The following SMC4 variants were observed in gnomAD, a reference collection of about 807,000 sequenced individuals.
The protein encoded by SMC4 is structural maintenance of chromosomes 4.
In SMC4, 87 loss-of-function variants were observed where a neutral mutation model predicts 145.6. The ratio of observed to expected loss-of-function variants is 0.60; its 90% CI spans 0.50 to 0.71. SMC4 has a LOEUF of 0.71. SMC4 is among the 30% of genes least tolerant of loss of function. The pLI is 0.00. For missense variants in SMC4, 1,447 were observed against 1,537.1 expected (o/e 0.94, Z 0.98); for synonymous variants, 558 against 500.7 (o/e 1.11, Z -1.53).
Position 160,432,507 on chromosome 3 carries a change from C to A in SMC4, c.3522C>A (p.Ile1174=). Residue 1174 remains isoleucine, a synonymous_variant, in exon 22 of 24, where the codon ATC becomes ATA. Coordinates refer to ENST00000357388, the MANE Select transcript of SMC4 (RefSeq NM_001002800.3). Reference sequence around the variant, plus strand: ...GCTTGGATCCTTTCTCTGAAGGAATCATGTTCAGGTGTGTAATTATGCTGA... The same window carrying A: ...GCTTGGATCCTTTCTCTGAAGGAATAATGTTCAGGTGTGTAATTATGCTGA... ...VDSLDPFSEG[I]MFSVRPPKKS... 2 of 1,588,564 alleles carry A rather than the reference C, an allele frequency of 1.3e-6. No homozygotes were observed. The highest frequency in any genetic ancestry group is 1.1e-5 in the South Asian group (1 of 88,012).
chr3:160,419,278 G>T, intron 11 of SMC4, 80 bp from the exon 12 acceptor site: 1 of 879,664 alleles, frequency 1.1e-6, no homozygotes, highest in Admixed American at 3.2e-5. Flanking sequence ...TGTTATTAAA[G>T]CATTACAACT....
rs777123142 is a variant in SMC4, at chr3:160,400,854, A to G, written c.28A>G (p.Thr10Ala). 18 of 1,536,310 alleles carry G rather than the reference A, an allele frequency of 1.2e-5. No homozygotes were observed. The African/African-American group carries it at 1.7e-4, about 15-fold the overall frequency. Residue 10 changes from threonine (T) to alanine (A), a missense_variant, in exon 2 of 24, where the codon ACT (threonine) becomes GCT (alanine). Transcript: ENST00000357388. ...GCCCCGTAAAGGCACCCAGCCCTCC[A>G]CTGCCCGGCGCAGAGAGGAAGGGCC... MPRKGTQPS[T>A]ARRREEGPPP...
intron 12 of SMC4, among the ~76,000 whole-genome samples, chr3:160,419,983 C>G (rs1000647381): frequency 6.6e-6 from 1 of 152,080 alleles, no homozygotes; most frequent in African/African-American, 2.4e-5. Flanking sequence ...TTTGGGGTTT[C>G]ACACCATTTT....
intron 23 of SMC4, 112 bp downstream of exon 23, chr3:160,433,321 C>A: frequency 2.9e-6 from 2 of 692,116 alleles, no homozygotes; most frequent in Non-Finnish European, 4.8e-6. Flanking sequence ...TGTCTAATAA[C>A]TCCATCTCCA....
intron 11 of SMC4, among the ~76,000 whole-genome samples, chr3:160,419,019 AG>A (rs1255310681): frequency 6.6e-6 from 1 of 152,218 alleles, no homozygotes; most frequent in African/African-American, 2.4e-5. Context: ...GCAGAGCTGA[AG>A]AATTAGGGCA....
chr3:160,408,683 A>G (rs888479499), intron 5 of SMC4, among the ~76,000 whole-genome samples: 1 of 152,220 alleles, frequency 6.6e-6, no homozygotes, highest in African/African-American at 2.4e-5. Context: ...ATATTCTGTA[A>G]TTTTACATGA....
rs1714240601 is a variant in SMC4, at chr3:160,399,699, T to A, written c.-56T>A. The A allele has an allele frequency of 6.6e-6, 1 of 152,190 alleles. No individual in the cohort carries two copies. The highest frequency in any genetic ancestry group is 2.4e-5 in the African/African-American group (1 of 41,274). The allele number at this position is 152,190 out of a possible 1,614,324, so 9.4% of individuals were successfully genotyped here. ...CGAAACACCGGTAGGAGCGGGGAGG[T>A]GGGTACTACACAACCGTCTCCAGCC... On this transcript the variant is annotated 5_prime_UTR_variant, in exon 1 of 24. Coordinates refer to ENST00000357388, the MANE Select transcript of SMC4 (RefSeq NM_001002800.3).
At position 160,417,916 on chromosome 3, in the gene SMC4, T is replaced by A; in HGVS notation, c.1631T>A (p.Ile544Lys). The change falls in exon 11 of 24, where the codon ATA becomes AAA. Residue 544 changes from isoleucine (I) to lysine (K), a missense_variant. Ile to Lys is a moderately radical substitution (Grantham distance 102). Transcript: ENST00000357388. ...LKERKAAIRD[I>K]EGKLPQTEQE... is the part of the protein sequence containing the mutation. ...GAAAGGAAAGCTGCAATCAGAGATA[T>A]AGAAGGAAAACTCCCTCAAACTGAA... The A allele has an allele frequency of 1.2e-6, 2 of 1,612,836 alleles. No homozygotes were observed. Among genetic ancestry groups the A allele is most frequent in the South Asian group, 1.1e-5 (1 of 90,986 alleles).
intron 15 of SMC4, 71 bp from the exon 16 acceptor site, chr3:160,424,796 G>A: frequency 1.9e-6 from 3 of 1,572,952 alleles, no homozygotes; most frequent in East Asian, 4.5e-5. Flanking sequence ...GGCGACAGAA[G>A]TTTTAGTTTT....
At chr3:160,402,980 T>C in intron 4 of SMC4, 113 bp downstream of exon 4, 1 of 717,038 alleles carries the variant, frequency 1.4e-6, no homozygotes. Flanking sequence ...GCGGAAAGCA[T>C]TGGTTTCATT....
chr3:160,432,554 T>C, intron 22 of SMC4, 39 bp downstream of exon 22: 2 of 1,224,788 alleles, frequency 1.6e-6, no homozygotes, highest in East Asian at 5.0e-5. Context: ...CACTGTTACC[T>C]TTTTCTACAT....
chr3:160,426,276 TAGA>T, intron 17 of SMC4, 76 bp downstream of exon 17: 1 of 1,077,152 alleles, frequency 9.3e-7, no homozygotes, highest in Non-Finnish European at 1.4e-6. Context: ...TAAGAAGCAG[TAGA>T]ATAATAATAG....
In SMC4 at chr3:160,434,714, A is replaced by G. The variant is rs1238942007; in HGVS notation, c.*905A>G. The G allele has an allele frequency of 2.6e-5, 4 of 152,250 alleles. No homozygotes were observed. Among genetic ancestry groups the G allele is most frequent in the East Asian group, 3.8e-4 (2 of 5,202 alleles). 9.4% of individuals were successfully genotyped at this position (152,250 alleles called of 1,614,324 possible). The stretch of plus-strand genomic sequence containing the variant: ...CAAGAATGTTATAATGCTAAGGGAC[A>G]TAAGTTGGCAACCACTTGGTTTTTG... On this transcript the variant is annotated 3_prime_UTR_variant, in exon 24 of 24. Transcript: ENST00000357388.
At position 160,434,028 on chromosome 3, in the gene SMC4, GA is replaced by G; in HGVS notation, c.*224del. ...AATCTTGTAAGTAGCAGACTATGGA[GA>G]AAAATGAGTTACCTGGAGGGTCAGG... is the stretch of plus-strand genomic sequence containing the variant. On this transcript the variant is annotated 3_prime_UTR_variant, in exon 24 of 24. Coordinates refer to ENST00000357388, the MANE Select transcript of SMC4 (RefSeq NM_001002800.3). The G allele has an allele frequency of 5.6e-6, 2 of 357,802 alleles. No homozygotes were observed. Among genetic ancestry groups the G allele is most frequent in the African/African-American group, 2.1e-5 (1 of 46,692 alleles). The allele number at this position is 357,802 out of a possible 1,614,324, so 22.2% of individuals were successfully genotyped here.
At chr3:160,414,222 A>T (rs1167637929) in intron 8 of SMC4, 145 bp from the exon 9 acceptor site, 2 of 711,128 alleles carry the variant, frequency 2.8e-6, no homozygotes, top group Admixed American at 2.0e-5. Flanking sequence ...GGGGAGAGGG[A>T]TCATCTTGGA....
chr3:160,417,994 C>T (rs778318598), intron 11 of SMC4, 38 bp downstream of exon 11: 19 of 1,512,250 alleles, frequency 1.3e-5, no homozygotes, highest in South Asian at 3.5e-5. Context: ...GAACATCATT[C>T]GTCCACTTCA....
At chr3:160,428,646 G>A in intron 17 of SMC4, 107 bp from the exon 18 acceptor site, 1 of 902,946 alleles carries the variant, frequency 1.1e-6, no homozygotes. Flanking sequence ...CCTAAAATTT[G>A]TTTTAATGCA....
Position 160,401,973 on chromosome 3 carries a change from T to A in SMC4, c.198T>A (p.Pro66=). 1 of 1,607,254 alleles carries A rather than the reference T, an allele frequency of 6.2e-7. No individual in the cohort carries two copies. The highest frequency in any genetic ancestry group is 2.3e-5 in the East Asian group (1 of 44,220). Residue 66 remains proline (P), a synonymous_variant, in exon 3 of 24, where the codon CCT becomes CCA. Transcript: ENST00000357388. ...RSLEEILNSI[P]PPPPPAMTNE... Reference sequence around the variant, plus strand: ...TAGAAGAGATTTTGAACAGCATTCCTCCTCCCCCGCCTCCAGCAATGACCA... The same window carrying A: ...TAGAAGAGATTTTGAACAGCATTCCACCTCCCCCGCCTCCAGCAATGACCA...
At chr3:160,424,677 C>T (rs897867086) in intron 15 of SMC4, among the ~76,000 whole-genome samples, 190 bp from the exon 16 acceptor site, 4 of 152,046 alleles carry the variant, frequency 2.6e-5, no homozygotes, top group Admixed American at 6.6e-5. Context: ...CGTGGTGGCA[C>T]GCACCTGTAA....
Sources: gnomAD v4.1 joint callset for allele counts (sites outside exome capture counted in the v4.1 genomes callset) on GRCh38, gnomAD v4.1.1 for gene constraint, MANE v1.5 for transcripts, NCBI Gene and HGNC (gene_info 2026-07-23, HGNC 2026-07-21) for gene names.